The following CCDC7 variants were observed in gnomAD, a reference collection of about 807,000 sequenced individuals.
The protein encoded by CCDC7 is coiled-coil domain containing 7.
Under a neutral mutation model 196.9 loss-of-function variants are expected in CCDC7, and 183 were observed. The observed-to-expected ratio is 0.93, with a 90% confidence interval of 0.82 to 1.05. The LOEUF (loss-of-function observed/expected upper bound fraction) is 1.05, where lower values mean the gene tolerates loss of function less well. Ranked by LOEUF, CCDC7 falls within the 50% of genes least tolerant of loss-of-function variation. The pLI, the probability that CCDC7 is intolerant of heterozygous loss-of-function variation, is 0.00. For synonymous variants in CCDC7, 525 were observed against 484.6 expected, an observed-to-expected ratio of 1.08 and a Z score of -1.10; for missense variants, 1,540 against 1,482.2, an observed-to-expected ratio of 1.04 and a Z score of -0.64.
downstream of CCDC7, among the ~76,000 whole-genome samples, chr10:32,878,231 T>C (rs1231641888): frequency 2.0e-5 from 3 of 152,090 alleles, no homozygotes; most frequent in Non-Finnish European, 4.4e-5. Context: ...ATACATTTGA[T>C]TAGTTTAAAC....
chr10:32,723,998 A>AGCT (rs1486340238), intron 25 of CCDC7, among the ~76,000 whole-genome samples: 1 of 151,980 alleles, frequency 6.6e-6, no homozygotes, highest in Non-Finnish European at 1.5e-5. Context: ...TTGCTTCCCC[A>AGCT]GCTTTCCTAG....
chr10:32,711,486 A>G, intron 24 of CCDC7, 134 bp from the exon 26 acceptor site: 1 of 542,186 alleles, frequency 1.8e-6, no homozygotes, highest in Non-Finnish European at 3.3e-6. Context: ...TGTCAGAGCT[A>G]GCATTAAGGT....
At chr10:32,504,798 A>G (rs146512424) in intron 9 of CCDC7, among the ~76,000 whole-genome samples, 3 of 152,338 alleles carry the variant, frequency 2.0e-5, no homozygotes, top group Admixed American at 1.3e-4. Context: ...TCTTAAGTAT[A>G]TTAAGACATG....
rs1193909834 is a variant in CCDC7 at position 32,716,771 on chromosome 10, TAAAC to T, written c.2569+5049_2569+5052del. Among the ~76,000 whole-genome samples the T allele has an allele frequency of 4.6e-5, 7 of 152,104 alleles. No homozygotes were observed. In the East Asian group the frequency reaches 7.7e-4, roughly 17 times the overall value. ...TCCTAGTCTCTAATAAAACAGATTT[TAAAC>T]AAACAAAGATCAAAAAAGACAACGA... On this transcript the variant is annotated intron_variant, in intron 25 of 41. Transcript: ENST00000639629.
chr10:32,835,404 T>C (rs557362694), intron 33 of CCDC7, among the ~76,000 whole-genome samples: 13 of 152,114 alleles, frequency 8.5e-5, no homozygotes, highest in Non-Finnish European at 1.8e-4. Flanking sequence ...GCAGCACTAT[T>C]CACAATAGCA....
intron 33 of CCDC7, among the ~76,000 whole-genome samples, chr10:32,844,055 C>T (rs1454148008): frequency 1.3e-5 from 2 of 151,888 alleles, no homozygotes; most frequent in East Asian, 3.9e-4. Flanking sequence ...TTATAGGTTT[C>T]CAACTTTAGT....
intron 9 of CCDC7, 96 bp downstream of exon 10, chr10:32,492,093 A>G: frequency 8.1e-7 from 1 of 1,239,406 alleles, no homozygotes; most frequent in Non-Finnish European, 1.1e-6. Flanking sequence ...TCATTGAAAA[A>G]AGTTAGTACG....
intron 24 of CCDC7, among the ~76,000 whole-genome samples, chr10:32,701,163 G>C (rs1036217846): frequency 2.6e-5 from 4 of 152,162 alleles, no homozygotes; most frequent in Admixed American, 6.5e-5. Context: ...TCCAGTTTTT[G>C]TCCATTCAGT....
At chr10:32,487,424 G>A (rs1019122624) in intron 8 of CCDC7, among the ~76,000 whole-genome samples, 1 of 152,118 alleles carries the variant, frequency 6.6e-6, no homozygotes, top group Non-Finnish European at 1.5e-5. Flanking sequence ...TTTGCCATGG[G>A]TTTGAACTTC....
intron 28 of CCDC7, among the ~76,000 whole-genome samples, chr10:32,756,765 A>ATG (rs2076528541): frequency 6.6e-6 from 1 of 152,234 alleles, no homozygotes; most frequent in African/African-American, 2.4e-5. Flanking sequence ...TTAACCTTAA[A>ATG]TGTAAATGGG....
At chr10:32,805,484 G>A (rs1250942433) in intron 30 of CCDC7, among the ~76,000 whole-genome samples, 2 of 152,164 alleles carry the variant, frequency 1.3e-5, no homozygotes, top group Non-Finnish European at 2.9e-5. Flanking sequence ...AAAGACAGTT[G>A]TTTTATTCTT....
intron 16 of CCDC7, among the ~76,000 whole-genome samples, chr10:32,577,342 T>C (rs1200128136): frequency 2.6e-5 from 4 of 151,978 alleles, no homozygotes; most frequent in Non-Finnish European, 1.5e-5. Context: ...AGAGCGAGAC[T>C]CCATCTCAAA....
chr10:32,622,974 G>A (rs1590733279), intron 18 of CCDC7, among the ~76,000 whole-genome samples: 2 of 151,974 alleles, frequency 1.3e-5, no homozygotes, highest in African/African-American at 4.8e-5. Flanking sequence ...ACAGAAATTG[G>A]CATATTTTCA....
chr10:32,525,243 A>AT (rs1283967451), intron 11 of CCDC7, among the ~76,000 whole-genome samples: 2 of 151,932 alleles, frequency 1.3e-5, no homozygotes, highest in African/African-American at 2.4e-5. Context: ...TTAAAGCATA[A>AT]TAAAAAAAAA....
chr10:32,468,343 A>G (rs1027780377), intron 5 of CCDC7, among the ~76,000 whole-genome samples: 1 of 152,018 alleles, frequency 6.6e-6, no homozygotes, highest in Admixed American at 6.6e-5. Flanking sequence ...TTTTGTGGCA[A>G]TTGTGAATGG....
chr10:32,833,557 A>G lies in CCDC7; in HGVS notation c.3269-1258A>G, dbSNP rs151282235. Among the ~76,000 whole-genome samples, 413 of 152,276 alleles carry G rather than the reference A, an allele frequency of 2.7e-3. 2 individuals carry two copies. Among genetic ancestry groups the G allele is most frequent in the Non-Finnish European group, 4.8e-3 (327 of 68,002 alleles). On this transcript the variant is annotated intron_variant, in intron 32 of 41. Transcript: ENST00000639629. Reference sequence around the variant, plus strand: ...TGATCTAAGAAACTTTTGCTTATCTAACGCAAATGAATTAGTACTCCTTGC... The same window carrying G: ...TGATCTAAGAAACTTTTGCTTATCTGACGCAAATGAATTAGTACTCCTTGC...
intron 31 of CCDC7, among the ~76,000 whole-genome samples, chr10:32,818,487 C>A (rs1466215722): frequency 6.6e-6 from 1 of 152,068 alleles, no homozygotes; most frequent in African/African-American, 2.4e-5. Flanking sequence ...ACCAAGTGGA[C>A]CTAATAGACA....
At chr10:32,822,837 T>C (rs2135651502) in intron 31 of CCDC7, among the ~76,000 whole-genome samples, 1 of 152,278 alleles carries the variant, frequency 6.6e-6, no homozygotes, top group East Asian at 1.9e-4. Flanking sequence ...TTGTAAAATT[T>C]AAAGCAACAG....
intron 21 of CCDC7, among the ~76,000 whole-genome samples, chr10:32,666,793 G>C (rs1461261103): frequency 1.3e-5 from 2 of 152,022 alleles, no homozygotes; most frequent in Non-Finnish European, 2.9e-5. Context: ...CATTTGGGTT[G>C]GTTCCAAGTC....
Sources: gnomAD v4.1 joint callset for allele counts (sites outside exome capture counted in the v4.1 genomes callset) on GRCh38, gnomAD v4.1.1 for gene constraint, MANE v1.5 for transcripts, NCBI Gene and HGNC (gene_info 2026-07-23, HGNC 2026-07-21) for gene names.